Variants in STAG1 observed in about 807,000 individuals in gnomAD.
STAG1 encodes STAG1 cohesin complex component.
In STAG1, 26 loss-of-function variants were observed where a neutral mutation model predicts 170.9. The observed-to-expected ratio is 0.15, with a 90% CI of 0.11 to 0.21. The LOEUF is 0.21. Among genes scored for constraint, STAG1 ranks in the 10% least tolerant of loss-of-function variants. The pLI, the probability that STAG1 is intolerant of heterozygous loss-of-function variation, is 1.00. For missense variants in STAG1, 964 were observed against 1,509.5 expected (o/e 0.64, Z 5.99); for synonymous variants, 514 against 497.7 (o/e 1.03, Z -0.44).
Position 136,443,341 on chromosome 3 carries a change from C to T in STAG1, c.1492G>A (p.Asp498Asn), listed in dbSNP as rs1011602651. ...AGCAACTCTGTCATACATTCCCAGT[C>T]TTTCAACAGTTCTTGAGAGCTCTCC... ...LWESSQELLK[D>N]WECMTELLLE... The change falls in exon 15 of 34, where the codon GAC becomes AAC. Residue 498 changes from aspartate to asparagine, a missense_variant. By Grantham distance (23) the Asp-to-Asn change is conservative. This residue lies in a region of STAG1 where 162 missense variants were observed against 211.2 expected (regional missense o/e 0.77). Transcript: ENST00000383202. 6.2e-7 allele frequency: 1 copy of T among 1,613,830 alleles called. No individual in the cohort carries two copies. The highest frequency in any genetic ancestry group is 1.3e-5 in the African/African-American group (1 of 74,910).
chr3:136,560,242 C>T (rs1936787473), intron 5 of STAG1, among the ~76,000 whole-genome samples: 2 of 152,140 alleles, frequency 1.3e-5, no homozygotes, highest in South Asian at 4.1e-4. Context: ...AAGAAGGTTG[C>T]TTTTAACCAC....
chr3:136,703,825 C>T (rs1481603049), intron 1 of STAG1, among the ~76,000 whole-genome samples: 1 of 151,944 alleles, frequency 6.6e-6, no homozygotes, highest in Non-Finnish European at 1.5e-5. Flanking sequence ...GCCTGGCCAA[C>T]ATGGTGAAAC....
chr3:136,372,974 G>A (rs1217067113), intron 23 of STAG1, among the ~76,000 whole-genome samples: 1 of 152,068 alleles, frequency 6.6e-6, no homozygotes, highest in Non-Finnish European at 1.5e-5. Flanking sequence ...AATCCATCTG[G>A]TCCTGGACTT....
chr3:136,472,801 A>G (rs1183695223), intron 11 of STAG1, among the ~76,000 whole-genome samples: 1 of 152,184 alleles, frequency 6.6e-6, no homozygotes, highest in African/African-American at 2.4e-5. Context: ...CTTCTTCCAA[A>G]GGTAATAAAT....
chr3:136,568,867 GA>G lies in STAG1; in HGVS notation c.298-7del, dbSNP rs757618834. 30 of 1,575,612 alleles carry G rather than the reference GA, an allele frequency of 1.9e-5. No homozygotes were observed. Among genetic ancestry groups the G allele is most frequent in the South Asian group, 2.4e-5 (2 of 84,570 alleles). ...ATCCAGTCATCCACCACGGACTGTG[GA>G]AAAAAAATATAAAAATGAAAACTTC... On this transcript the variant is annotated splice_polypyrimidine_tract_variant and splice_region_variant and intron_variant, in intron 4 of 33. Coordinates refer to ENST00000383202, the MANE Select transcript of STAG1 (RefSeq NM_005862.3).
chr3:136,728,670 TTCTC>T (rs1303595920), intron 1 of STAG1, among the ~76,000 whole-genome samples: 7 of 152,214 alleles, frequency 4.6e-5, no homozygotes, highest in Admixed American at 2.6e-4. Flanking sequence ...CTATATTACT[TTCTC>T]TTTCTGCATC....
intron 1 of STAG1, among the ~76,000 whole-genome samples, chr3:136,696,653 C>T (rs985449922): frequency 6.6e-6 from 1 of 152,106 alleles, no homozygotes; most frequent in Admixed American, 6.6e-5. Flanking sequence ...ACCCTCTATA[C>T]TTACTGCTCA....
intron 7 of STAG1, among the ~76,000 whole-genome samples, chr3:136,508,073 A>AGATTT (rs1576544861): frequency 6.6e-6 from 1 of 152,166 alleles, no homozygotes; most frequent in East Asian, 1.9e-4. Context: ...AATAATTCTG[A>AGATTT]GATTTGCTAT....
chr3:136,725,065 T>C (rs1256207213), intron 1 of STAG1, among the ~76,000 whole-genome samples: 1 of 152,220 alleles, frequency 6.6e-6, no homozygotes. Context: ...GGAAGTAGTC[T>C]AATACTTAAA....
intron 6 of STAG1, among the ~76,000 whole-genome samples, chr3:136,527,666 T>C (rs1384163644): frequency 6.6e-6 from 1 of 152,196 alleles, no homozygotes; most frequent in Non-Finnish European, 1.5e-5. Flanking sequence ...GCAATCTGAT[T>C]TTTAGAATTT....
chr3:136,339,472 G>A lies in STAG1; in HGVS notation c.3672+1019C>T, dbSNP rs984167226. ...TGGGAGGCAGAGGTTGCAGTGAGCC[G>A]AGATTGCAGCATTGCACTACAGCCT... On this transcript the variant is annotated intron_variant, in intron 32 of 33. Transcript: ENST00000383202. 3.2e-4 allele frequency among the ~76,000 whole-genome samples: 49 copies of A among 152,282 alleles called. 1 individual carries two copies. The highest frequency in any genetic ancestry group is 1.1e-3 in the African/African-American group (46 of 41,556).
In STAG1 at chr3:136,513,030, C is replaced by T. The variant is rs186266303; in HGVS notation, c.676+8183G>A. 2.7e-4 allele frequency among the ~76,000 whole-genome samples: 41 copies of T among 152,240 alleles called. No homozygotes were observed. The Middle Eastern group carries it at 0.01, about 38-fold the overall frequency. On this transcript the variant is annotated intron_variant, in intron 7 of 33. Coordinates refer to ENST00000383202, the MANE Select transcript of STAG1 (RefSeq NM_005862.3). ...AATACCATCAACGAAAAGGTATCTACGAAACACAGAATATTTCAAAAAAGG... is the reference window on the plus strand; with the variant it reads ...AATACCATCAACGAAAAGGTATCTATGAAACACAGAATATTTCAAAAAAGG...
chr3:136,618,704 TTTTTC>T (rs1315889470), intron 3 of STAG1, among the ~76,000 whole-genome samples: 1 of 152,124 alleles, frequency 6.6e-6, no homozygotes, highest in Non-Finnish European at 1.5e-5. Flanking sequence ...AAAAGAATAG[TTTTTC>T]TTTTCTTTAA....
At chr3:136,505,535 T>C (rs1933713489) in intron 7 of STAG1, among the ~76,000 whole-genome samples, 1 of 152,204 alleles carries the variant, frequency 6.6e-6, no homozygotes. Flanking sequence ...AAGTACTAGG[T>C]TGTGACAGAT....
chr3:136,426,068 A>C (rs2088112815), intron 16 of STAG1, among the ~76,000 whole-genome samples: 1 of 151,438 alleles, frequency 6.6e-6, no homozygotes. Context: ...GATTTTTTTC[A>C]ATAAACATAT....
In STAG1 at chr3:136,521,520, G is replaced by C. The variant is rs1403707042; in HGVS notation, c.472-103C>G. The C allele has an allele frequency of 6.4e-6, 6 of 932,556 alleles. No homozygotes were observed. The Admixed American group carries it at 1.3e-4, about 21-fold the overall frequency. 57.8% of individuals were successfully genotyped at this position (932,556 alleles called of 1,614,324 possible). A position where few individuals can be genotyped will look rare whatever the true frequency, so the allele number is the denominator to read the frequency against. ...CATAGGAACCCTTTTTTGCAAAGCAGTTATAGAAAGAAATAGGTGACTTTC... is the reference window on the plus strand; with the variant it reads ...CATAGGAACCCTTTTTTGCAAAGCACTTATAGAAAGAAATAGGTGACTTTC... On this transcript the variant is annotated intron_variant, in intron 6 of 33. Transcript: ENST00000383202.
intron 13 of STAG1, among the ~76,000 whole-genome samples, chr3:136,458,840 T>C (rs1377100962): frequency 6.6e-6 from 1 of 151,934 alleles, no homozygotes; most frequent in Non-Finnish European, 1.5e-5. Context: ...AAAAAGATAA[T>C]CCATGCACTT....
intron 5 of STAG1, among the ~76,000 whole-genome samples, chr3:136,563,849 T>A (rs1201956939): frequency 2.0e-5 from 3 of 151,968 alleles, no homozygotes; most frequent in Non-Finnish European, 2.9e-5. Context: ...TGAAACCCCA[T>A]CTCTACTAAA....
intron 6 of STAG1, among the ~76,000 whole-genome samples, chr3:136,537,727 C>A (rs780895144): frequency 3.9e-5 from 6 of 151,940 alleles, no homozygotes; most frequent in Non-Finnish European, 7.4e-5. Context: ...AACTCCTGAC[C>A]TCAAATGATC....
Sources: allele counts gnomAD v4.1 joint callset (sites outside exome capture counted in the v4.1 genomes callset), GRCh38; gene constraint gnomAD v4.1.1; regional missense constraint gnomAD v4.1.1; transcripts MANE v1.5; gene names NCBI Gene and HGNC (gene_info 2026-07-23, HGNC 2026-07-21).